USPL1: variants seen among roughly 807,000 people sequenced by gnomAD.
The protein encoded by USPL1 is ubiquitin specific peptidase like 1.
In USPL1, 27 loss-of-function variants were observed where a neutral mutation model predicts 51.5. The observed-to-expected ratio is 0.52, with a 90% CI of 0.39 to 0.72. The LOEUF is 0.72. USPL1 is among the 30% of genes least tolerant of loss of function. USPL1 has a pLI of 0.00. For synonymous variants in USPL1, 451 were observed against 459.6 expected, an observed-to-expected ratio of 0.98 and a Z score of 0.24; for missense variants, 1,226 against 1,268.0, an observed-to-expected ratio of 0.97 and a Z score of 0.50.
chr13:30,620,002 A>G (rs193213636), intron 1 of USPL1, among the ~76,000 whole-genome samples: 37 of 152,320 alleles, frequency 2.4e-4, no homozygotes, highest in Non-Finnish European at 4.4e-4. Flanking sequence ...TTGGTCAAAG[A>G]TATTTGTAGT....
chr13:30,625,437 GTTTT>G (rs200928956), intron 3 of USPL1, among the ~76,000 whole-genome samples: 1 of 135,894 alleles, frequency 7.4e-6, no homozygotes, highest in East Asian at 2.1e-4. Flanking sequence ...TTGGTTTTTT[GTTTT>G]TTGTTTTTTT....
At chr13:30,621,295 GA>G in intron 2 of USPL1, 56 bp downstream of exon 2, 5 of 1,319,322 alleles carry the variant, frequency 3.8e-6, no homozygotes. Context: ...CTCTATTTTT[GA>G]GACTTAAATT....
intron 4 of USPL1, among the ~76,000 whole-genome samples, chr13:30,632,840 A>G (rs1206077761): frequency 6.6e-6 from 1 of 152,208 alleles, no homozygotes; most frequent in East Asian, 1.9e-4. Context: ...ACCCATAATC[A>G]CACAACCTCC....
intron 7 of USPL1, among the ~76,000 whole-genome samples, chr13:30,649,867 A>G (rs1034245652): frequency 1.2e-4 from 18 of 152,176 alleles, no homozygotes; most frequent in African/African-American, 3.6e-4. Flanking sequence ...TCTTAGCCTG[A>G]TGTCTCTTGT....
chr13:30,647,191 C>T, intron 7 of USPL1, 134 bp downstream of exon 7: 1 of 1,057,758 alleles, frequency 9.5e-7, no homozygotes, highest in Non-Finnish European at 1.3e-6. Context: ...TCTGGGTTGC[C>T]AGCTGCCTCG....
At position 30,631,072 on chromosome 13, in the gene USPL1, A is replaced by G. The variant is rs1950797539; in HGVS notation, c.466A>G (p.Ser156Gly). 6.2e-7 allele frequency: 1 copy of G among 1,614,198 alleles called. No homozygotes were observed. Among genetic ancestry groups the G allele is most frequent in the Admixed American group, 1.7e-5 (1 of 60,034 alleles). ...CGAAACCTCGTCAAACTTACCTGAT[A>G]GTAGTGGTCAACAGAATCCAATTAG... ...YDETSSNLPD[S>G]SGQQNPIRTA... Residue 156 changes from serine (S) to glycine (G), a missense_variant, in exon 4 of 9, where the codon AGT becomes GGT. By Grantham distance (56) the Ser-to-Gly change is moderately conservative. Coordinates refer to ENST00000255304, the MANE Select transcript of USPL1 (RefSeq NM_005800.5).
At position 30,630,842 on chromosome 13, in the gene USPL1, A is replaced by T. The variant is rs769579686; in HGVS notation, c.236A>T (p.Tyr79Phe). 6.2e-7 allele frequency: 1 copy of T among 1,600,202 alleles called. No homozygotes were observed. The change falls in exon 4 of 9, where the codon TAT becomes TTT. Residue 79 changes from tyrosine to phenylalanine, a missense_variant. By Grantham distance (22) the Tyr-to-Phe change is conservative. Coordinates refer to ENST00000255304, the MANE Select transcript of USPL1 (RefSeq NM_005800.5). ...TTTATTTTTACTTTCCAGTGCATCT[A>T]TCCTTTGGGCTCTAAATCACTTAAT... ...IFLCEDLQCI[Y>F]PLGSKSLNNL...
intron 3 of USPL1, among the ~76,000 whole-genome samples, chr13:30,623,514 A>T (rs914741898): frequency 6.6e-6 from 1 of 151,978 alleles, no homozygotes; most frequent in Non-Finnish European, 1.5e-5. Flanking sequence ...ATAGTATAAT[A>T]TGAATTATAT....
chr13:30,647,119 A>G, intron 7 of USPL1, 62 bp downstream of exon 7: 1 of 1,511,766 alleles, frequency 6.6e-7, no homozygotes, highest in South Asian at 1.2e-5. Context: ...ATTTTTCTTA[A>G]TGTGTAGGAT....
chr13:30,658,998 AATT>A lies in USPL1; in HGVS notation c.2925_2927del (p.Leu976del). 1.2e-6 allele frequency: 2 copies of A among 1,614,110 alleles called. No homozygotes were observed. Among genetic ancestry groups the A allele is most frequent in the Non-Finnish European group, 1.7e-6 (2 of 1,180,014 alleles). The stretch of plus-strand genomic sequence containing the variant: ...CAAACTCATGAAGAAATTTTAGCGG[AATT>A]ATTGTCTCCTACACCTGTTTCAACA... On this transcript the variant is annotated inframe_deletion, in exon 9 of 9. Coordinates refer to ENST00000255304, the MANE Select transcript of USPL1 (RefSeq NM_005800.5).
intron 3 of USPL1, among the ~76,000 whole-genome samples, chr13:30,626,333 TA>T (rs1950715969): frequency 6.6e-6 from 1 of 151,720 alleles, no homozygotes; most frequent in African/African-American, 2.4e-5. Context: ...AATAAATAAA[TA>T]AATAAATAAA....
Position 30,631,090 on chromosome 13 carries a change from C to G in USPL1, c.484C>G (p.Pro162Ala). 3 of 1,614,106 alleles carry G rather than the reference C, an allele frequency of 1.9e-6. No homozygotes were observed. The highest frequency in any genetic ancestry group is 2.5e-6 in the Non-Finnish European group (3 of 1,180,014). ...NLPDSSGQQN[P>A]IRTADSLERN... ...ACCTGATAGTAGTGGTCAACAGAAT[C>G]CAATTAGGACAGCTGATTCCTTGGA... Residue 162 changes from proline to alanine, a missense_variant, in exon 4 of 9, where the codon CCA becomes GCA. Physicochemically the swap from Pro to Ala is conservative, Grantham distance 27 (BLOSUM62 -1). Coordinates refer to ENST00000255304, the MANE Select transcript of USPL1 (RefSeq NM_005800.5).
chr13:30,631,544 AGGCTGGAG>A, intron 4 of USPL1, 70 bp downstream of exon 4: 1 of 1,432,986 alleles, frequency 7.0e-7, no homozygotes, highest in Non-Finnish European at 9.3e-7. Context: ...TCTGTCACCC[AGGCTGGAG>A]TGCAGTGGCA....
chr13:30,644,746 T>C (rs1245435756), intron 6 of USPL1, among the ~76,000 whole-genome samples: 1 of 152,110 alleles, frequency 6.6e-6, no homozygotes, highest in African/African-American at 2.4e-5. Context: ...ACGTCCCCTC[T>C]CCAAAGGGCC....
chr13:30,651,236 G>A (rs1951088708), intron 7 of USPL1, among the ~76,000 whole-genome samples: 1 of 152,152 alleles, frequency 6.6e-6, no homozygotes, highest in Non-Finnish European at 1.5e-5. Context: ...TGCTCTAGTT[G>A]TTGTCTCTTT....
intron 8 of USPL1, among the ~76,000 whole-genome samples, chr13:30,656,894 T>C (rs184917769): frequency 1.4e-3 from 209 of 151,946 alleles, no homozygotes; most frequent in African/African-American, 4.9e-3. Flanking sequence ...TTTAAAGGAA[T>C]GGTTTAAACA....
chr13:30,651,033 G>A (rs1356449217), intron 7 of USPL1, among the ~76,000 whole-genome samples: 1 of 151,610 alleles, frequency 6.6e-6, no homozygotes, highest in African/African-American at 2.4e-5. Flanking sequence ...CATAGTTACA[G>A]AAAGTAGTAT....
At chr13:30,623,574 C>T (rs1221975587) in intron 3 of USPL1, among the ~76,000 whole-genome samples, 1 of 150,598 alleles carries the variant, frequency 6.6e-6, no homozygotes, top group Non-Finnish European at 1.5e-5. Flanking sequence ...CTTGGAATTT[C>T]CTGAATGATA....
In USPL1 at chr13:30,630,703, T is replaced by G. The variant is rs1950789881; in HGVS notation, c.229-132T>G. On this transcript the variant is annotated intron_variant, in intron 3 of 8. Coordinates refer to ENST00000255304, the MANE Select transcript of USPL1 (RefSeq NM_005800.5). ...TTGTTTGTCTCTAATTTTTTCAAAT[T>G]TATGTGTATAAATATAACCTGTCAT... The G allele has an allele frequency of 4.0e-6, 4 of 1,003,544 alleles. No homozygotes were observed. The East Asian group carries it at 1.2e-4, about 29-fold the overall frequency. The allele number at this position is 1,003,544 out of a possible 1,614,324, so 62.2% of individuals were successfully genotyped here.
Sources: gnomAD v4.1 joint callset for allele counts (sites outside exome capture counted in the v4.1 genomes callset) on GRCh38, gnomAD v4.1.1 for gene constraint, MANE v1.5 for transcripts, NCBI Gene and HGNC (gene_info 2026-07-23, HGNC 2026-07-21) for gene names.